Variants in PRKD1 observed in about 807,000 individuals in gnomAD.
The protein encoded by PRKD1 is protein kinase D1.
In PRKD1, 63 loss-of-function variants were observed where a neutral mutation model predicts 95.9. The ratio of observed to expected loss-of-function variants is 0.66; its 90% CI spans 0.54 to 0.81. The LOEUF (loss-of-function observed/expected upper bound fraction) is 0.81, where lower values mean the gene tolerates loss of function less well. Ranked by LOEUF, PRKD1 falls within the 30% of genes least tolerant of loss-of-function variation. PRKD1 has a pLI of 0.00. For synonymous variants in PRKD1, 425 were observed against 423.1 expected, an observed-to-expected ratio of 1.00 and a Z score of -0.05; for missense variants, 1,048 against 1,165.3, an observed-to-expected ratio of 0.90 and a Z score of 1.47.
intron 1 of PRKD1, among the ~76,000 whole-genome samples, chr14:29,774,158 A>T (rs1025203578): frequency 6.6e-6 from 1 of 152,236 alleles, no homozygotes; most frequent in Admixed American, 6.5e-5. Context: ...CTGAAAGTAT[A>T]AATGTGCAGG....
intron 1 of PRKD1, among the ~76,000 whole-genome samples, chr14:29,737,071 C>T (rs1364224075): frequency 2.6e-5 from 4 of 151,828 alleles, no homozygotes; most frequent in Non-Finnish European, 5.9e-5. Flanking sequence ...GCCTGTAATC[C>T]CAGCACTTTG....
chr14:29,718,566 AAG>A (rs60995800), intron 2 of PRKD1, among the ~76,000 whole-genome samples: 4,244 of 152,308 alleles, frequency 0.028, 200 homozygotes, highest in African/African-American at 0.098. Context: ...GGAAATGCTG[AAG>A]ACACATTTAA....
At chr14:29,692,418 ACT>A (rs1365623502) in intron 2 of PRKD1, among the ~76,000 whole-genome samples, 3 of 152,108 alleles carry the variant, frequency 2.0e-5, no homozygotes, top group Admixed American at 2.0e-4. Flanking sequence ...AAGCCAGATA[ACT>A]CTACAACTTA....
intron 1 of PRKD1, among the ~76,000 whole-genome samples, chr14:29,924,193 T>C (rs747312937): frequency 5.9e-5 from 9 of 152,160 alleles, no homozygotes; most frequent in Admixed American, 5.2e-4. Context: ...CATTGTTACA[T>C]ACAAAAAAGC....
Position 29,914,004 on chromosome 14 carries a change from G to A in PRKD1, c.264+13245C>T, listed in dbSNP as rs936155142. ...GTTCAAAAGTTCCAAATACATCAAA[G>A]AAAAGCACCTTTCTAGTACATTAGG... On this transcript the variant is annotated intron_variant, in intron 1 of 17. Transcript: ENST00000331968. Among the ~76,000 whole-genome samples, 3 of 152,286 alleles carry A rather than the reference G, an allele frequency of 2.0e-5. No individual in the cohort carries two copies. The East Asian group carries it at 5.8e-4, about 29-fold the overall frequency.
At chr14:29,884,897 T>C (rs1319782605) in intron 1 of PRKD1, among the ~76,000 whole-genome samples, 1 of 151,922 alleles carries the variant, frequency 6.6e-6, no homozygotes, top group Non-Finnish European at 1.5e-5. Context: ...CCGAAGCGGG[T>C]GGATCACGAG....
intron 1 of PRKD1, among the ~76,000 whole-genome samples, chr14:29,748,278 A>T (rs949401634): frequency 6.6e-6 from 1 of 152,236 alleles, no homozygotes; most frequent in African/African-American, 2.4e-5. Flanking sequence ...ACCAAAATGT[A>T]TGCTAAATGA....
At chr14:29,832,453 T>C (rs1272988158) in intron 1 of PRKD1, among the ~76,000 whole-genome samples, 2 of 152,192 alleles carry the variant, frequency 1.3e-5, no homozygotes, top group African/African-American at 2.4e-5. Context: ...ATGTATGTTG[T>C]TTTCCTTCAG....
Position 29,725,558 on chromosome 14 carries a change from A to G in PRKD1, c.381T>C (p.Asp127=). The G allele has an allele frequency of 6.2e-7, 1 of 1,613,718 alleles. No individual in the cohort carries two copies. Among genetic ancestry groups the G allele is most frequent in the Non-Finnish European group, 8.5e-7 (1 of 1,179,718 alleles). ...TACCTGACAAGACCACTTCAATAAG[A>G]TCGCCTTCCTGGATATCACTGGCCG... ...VKAASDIQEG[D]LIEVVLSASA... Residue 127 remains aspartate, a synonymous_variant, in exon 2 of 18, where the codon GAT becomes GAC. Transcript: ENST00000331968.
intron 4 of PRKD1, among the ~76,000 whole-genome samples, chr14:29,639,399 C>G (rs959089174): frequency 6.6e-6 from 1 of 152,062 alleles, no homozygotes; most frequent in African/African-American, 2.4e-5. Flanking sequence ...GCGGGTGGAT[C>G]ATTTGGTGTC....
At chr14:29,726,118 G>A (rs1397162648) in intron 1 of PRKD1, among the ~76,000 whole-genome samples, 1 of 152,028 alleles carries the variant, frequency 6.6e-6, no homozygotes, top group East Asian at 1.9e-4. Context: ...GTCTGTTTTG[G>A]CATATTCAAA....
intron 6 of PRKD1, 63 bp from the exon 7 acceptor site, chr14:29,636,557 A>G (rs754052018): frequency 6.5e-7 from 1 of 1,533,032 alleles, no homozygotes; most frequent in Non-Finnish European, 9.0e-7. Context: ...CTTAAGAGAC[A>G]GTCAGGTGAT....
At chr14:29,830,955 G>C (rs1192656985) in intron 1 of PRKD1, among the ~76,000 whole-genome samples, 3 of 152,154 alleles carry the variant, frequency 2.0e-5, no homozygotes, top group Non-Finnish European at 4.4e-5. Flanking sequence ...AAAGTGTTGG[G>C]TTTATAGGCA....
rs536534496 is a variant in PRKD1 at position 29,709,443 on chromosome 14, T to C, written c.403+16093A>G. On this transcript the variant is annotated intron_variant, in intron 2 of 17. Transcript: ENST00000331968. ...TCAGGGAAGGGGCACACAAAGGTTT[T>C]TCAGGATTATAGCATTGCTCTCATT... 2.0e-5 allele frequency among the ~76,000 whole-genome samples: 3 copies of C among 152,256 alleles called. No individual in the cohort carries two copies. The South Asian group carries it at 6.2e-4, about 32-fold the overall frequency.
intron 6 of PRKD1, among the ~76,000 whole-genome samples, chr14:29,637,796 A>T (rs755813465): frequency 1.3e-5 from 2 of 152,234 alleles, no homozygotes; most frequent in Non-Finnish European, 2.9e-5. Context: ...AGCAACAAAA[A>T]TATTCAACTG....
Position 29,599,690 on chromosome 14 carries a change from A to T in PRKD1, c.2033T>A (p.Leu678Ter), listed in dbSNP as rs920698147. 6.2e-7 allele frequency: 1 copy of T among 1,613,228 alleles called. No homozygotes were observed. The highest frequency in any genetic ancestry group is 1.3e-5 in the African/African-American group (1 of 74,910). Residue 678 changes from leucine to a stop codon, truncating the protein, a stop_gained, in exon 14 of 18, where the codon TTG becomes TAG. Coordinates refer to ENST00000331968, the MANE Select transcript of PRKD1 (RefSeq NM_002742.3). LOFTEE classifies it high-confidence loss of function. The part of the protein sequence containing the change: ...EMILSSEKGR[L>*]PEHITKFLIT... ...TAAAAACTTCGTTATGTGCTCTGGC[A>T]ACCTGCCCTTTTCACTTGACAAGAT...
intron 1 of PRKD1, among the ~76,000 whole-genome samples, chr14:29,742,852 T>C (rs925770133): frequency 6.6e-6 from 1 of 152,308 alleles, no homozygotes; most frequent in African/African-American, 2.4e-5. Flanking sequence ...TCACATAAGT[T>C]ATTCAGTACA....
intron 1 of PRKD1, among the ~76,000 whole-genome samples, chr14:29,735,416 T>C (rs1486487026): frequency 6.6e-6 from 1 of 152,216 alleles, no homozygotes; most frequent in Non-Finnish European, 1.5e-5. Context: ...CAGATCCTCT[T>C]TCCATATCCT....
chr14:29,601,128 C>T (rs1893501286), intron 13 of PRKD1, among the ~76,000 whole-genome samples: 1 of 152,126 alleles, frequency 6.6e-6, no homozygotes, highest in African/African-American at 2.4e-5. Flanking sequence ...CCTCAAATGG[C>T]TCACTGCTCA....
Sources: allele counts gnomAD v4.1 joint callset (sites outside exome capture counted in the v4.1 genomes callset), GRCh38; gene constraint gnomAD v4.1.1; transcripts MANE v1.5; gene names NCBI Gene and HGNC (gene_info 2026-07-23, HGNC 2026-07-21).